Variants in ITGAM observed in about 807,000 individuals in gnomAD.
ITGAM encodes integrin alpha-M.
ITGAM carries 79 observed loss-of-function variants against 137.5 expected under a neutral mutation model. The ratio of observed to expected loss-of-function variants is 0.57; its 90% CI spans 0.48 to 0.69. ITGAM has a LOEUF of 0.69. Ranked by LOEUF, ITGAM falls within the 30% of genes least tolerant of loss-of-function variation. The probability of loss-of-function intolerance (pLI) is 0.00; values close to 1 mark genes in which losing one functional copy is unlikely to be tolerated. For missense variants in ITGAM, 1,343 were observed against 1,483.5 expected (o/e 0.91, Z 1.56); for synonymous variants, 583 against 592.3 (o/e 0.98, Z 0.23).
In ITGAM at chr16:31,297,592, G is replaced by GC. The variant is rs1303173835; in HGVS notation, c.1441dup (p.His481ProfsTer26). On this transcript the variant is annotated frameshift_variant, in exon 13 of 30. Transcript: ENST00000544665. LOFTEE classifies it high-confidence loss of function. Reference sequence around the variant, plus strand: ...CAGCACCGACCTGGTCCTCATCGGGGCCCCCCATTACTACGAGCAGACCCG... The same window carrying GC: ...CAGCACCGACCTGGTCCTCATCGGGGCCCCCCCATTACTACGAGCAGACCCG... 3 of 1,612,602 alleles carry GC rather than the reference G, an allele frequency of 1.9e-6. No homozygotes were observed. Among genetic ancestry groups the GC allele is most frequent in the Non-Finnish European group, 1.7e-6 (2 of 1,179,904 alleles).
Position 31,297,947 on chromosome 16 carries a change from A to G in ITGAM, c.1700A>G (p.His567Arg). 6.2e-7 allele frequency: 1 copy of G among 1,613,508 alleles called. No individual in the cohort carries two copies. The highest frequency in any genetic ancestry group is 8.5e-7 in the Non-Finnish European group (1 of 1,179,620). ...TCAGGATCTGGCATCAGCCCCTCCC[A>G]TAGCCAGGTGAGACCTGGTCACTGT... ...GTSGSGISPS[H>R]SQRIAGSKLS... Residue 567 changes from histidine (H) to arginine (R), a missense_variant, in exon 14 of 30, where the codon CAT becomes CGT. By Grantham distance (29) the His-to-Arg change is conservative. Transcript: ENST00000544665.
At chr16:31,327,608 A>AATAATG (rs1463294701) in intron 22 of ITGAM, among the ~76,000 whole-genome samples, 1 of 150,816 alleles carries the variant, frequency 6.6e-6, no homozygotes, top group East Asian at 1.9e-4. Flanking sequence ...TAATAATAAT[A>AATAATG]ATAATAATAA....
intron 12 of ITGAM, among the ~76,000 whole-genome samples, chr16:31,285,686 T>G (rs1274649492): frequency 6.6e-6 from 1 of 152,154 alleles, no homozygotes; most frequent in Non-Finnish European, 1.5e-5. Context: ...TGTATAGGCT[T>G]GTTACATGCA....
chr16:31,321,328 G>A lies in ITGAM; in HGVS notation c.1795G>A (p.Val599Ile), dbSNP rs554948052. Residue 599 changes from valine to isoleucine, a missense_variant, in exon 15 of 30, where the codon GTA (valine) becomes ATA (isoleucine). Val to Ile is a conservative substitution (Grantham distance 29). Coordinates refer to ENST00000544665, the MANE Select transcript of ITGAM (RefSeq NM_000632.4). ...CCAGGACCTCACAATGGATGGACTG[G>A]TAGACCTGACTGTAGGAGCCCAGGG... ...GGQDLTMDGL[V>I]DLTVGAQGHV... 1.2e-6 allele frequency: 2 copies of A among 1,614,056 alleles called. No individual in the cohort carries two copies. Among genetic ancestry groups the A allele is most frequent in the Non-Finnish European group, 1.7e-6 (2 of 1,179,898 alleles).
At chr16:31,286,092 A>T (rs2080026733) in intron 12 of ITGAM, among the ~76,000 whole-genome samples, 1 of 152,090 alleles carries the variant, frequency 6.6e-6, no homozygotes, top group South Asian at 2.1e-4. Flanking sequence ...AAGTGAGAAC[A>T]TGCAGTATTT....
intron 14 of ITGAM, among the ~76,000 whole-genome samples, chr16:31,299,679 T>G (rs2080175067): frequency 6.6e-6 from 1 of 152,176 alleles, no homozygotes; most frequent in African/African-American, 2.4e-5. Context: ...CTGGCTTATT[T>G]CACTTAGAAT....
intron 14 of ITGAM, among the ~76,000 whole-genome samples, chr16:31,315,293 T>G (rs1030501715): frequency 1.1e-4 from 16 of 152,302 alleles, no homozygotes; most frequent in Middle Eastern, 3.4e-3. Context: ...TTGATGCAAT[T>G]CCATTTGTCT....
intron 2 of ITGAM, among the ~76,000 whole-genome samples, chr16:31,262,170 G>T (rs1259751728): frequency 6.6e-6 from 1 of 152,078 alleles, no homozygotes; most frequent in Non-Finnish European, 1.5e-5. Context: ...GCCTATTTTT[G>T]TGAATGAATT....
At chr16:31,299,774 C>T (rs898314693) in intron 14 of ITGAM, among the ~76,000 whole-genome samples, 3 of 130,588 alleles carry the variant, frequency 2.3e-5, no homozygotes, top group Non-Finnish European at 4.6e-5. Flanking sequence ...CTTCCTCCTC[C>T]TCCTCCTCCG....
chr16:31,331,810 C>G lies in ITGAM; in HGVS notation c.*103C>G. 1 of 876,518 alleles carries G rather than the reference C, an allele frequency of 1.1e-6. No homozygotes were observed. Among genetic ancestry groups the G allele is most frequent in the Non-Finnish European group, 1.8e-6 (1 of 568,548 alleles). The allele number at this position is 876,518 out of a possible 1,614,324, so 54.3% of individuals were successfully genotyped here. On this transcript the variant is annotated 3_prime_UTR_variant, in exon 30 of 30. Coordinates refer to ENST00000544665, the MANE Select transcript of ITGAM (RefSeq NM_000632.4). ...GACACGTCGGACAGCGAAGTATCCC[C>G]GACAGGACGGGCTTGGGCTTCCATT...
At chr16:31,263,508 C>T (rs1168827003) in intron 2 of ITGAM, among the ~76,000 whole-genome samples, 1 of 152,166 alleles carries the variant, frequency 6.6e-6, no homozygotes, top group Non-Finnish European at 1.5e-5. Flanking sequence ...CTCCCTCACT[C>T]ATTTGCCAAC....
At chr16:31,326,562 G>A (rs1349962117) in intron 21 of ITGAM, among the ~76,000 whole-genome samples, 6 of 151,940 alleles carry the variant, frequency 3.9e-5, no homozygotes, top group South Asian at 2.1e-4. Flanking sequence ...GGTTACATGC[G>A]CCCGCCACCA....
At chr16:31,273,960 G>A (rs1237066456) in intron 8 of ITGAM, among the ~76,000 whole-genome samples, 2 of 152,242 alleles carry the variant, frequency 1.3e-5, no homozygotes, top group Non-Finnish European at 2.9e-5. Context: ...GGTGAAGGCA[G>A]GGGAGCAAGA....
At position 31,278,086 on chromosome 16, in the gene ITGAM, A is replaced by G. The variant is rs1389237675; in HGVS notation, c.1333A>G (p.Asn445Asp). Residue 445 changes from asparagine to aspartate, a missense_variant, in exon 12 of 30, where the codon AAC (asparagine) becomes GAC (aspartate). Asn to Asp is a conservative substitution (Grantham distance 23, BLOSUM62 1). Transcript: ENST00000544665. ...FRQNTGMWES[N>D]ANVKGTQIGA... ...GCAGAACACTGGCATGTGGGAGTCC[A>G]ACGCTAATGTCAAGGGCACCCAGGT... 3 of 1,608,742 alleles carry G rather than the reference A, an allele frequency of 1.9e-6. No individual in the cohort carries two copies. The highest frequency in any genetic ancestry group is 1.3e-5 in the African/African-American group (1 of 74,950).
intron 12 of ITGAM, 49 bp from the exon 13 acceptor site, chr16:31,297,465 T>A: frequency 1.2e-6 from 2 of 1,608,310 alleles, no homozygotes; most frequent in Non-Finnish European, 1.7e-6. Flanking sequence ...AACCTCCACA[T>A]CTGCTTTAGG....
chr16:31,261,148 G>A (rs1211787433), intron 1 of ITGAM, among the ~76,000 whole-genome samples: 1 of 151,994 alleles, frequency 6.6e-6, no homozygotes, highest in Non-Finnish European at 1.5e-5. Context: ...GGTTAGTTAG[G>A]GTGACCGAAT....
At chr16:31,307,499 T>C (rs976175994) in intron 14 of ITGAM, among the ~76,000 whole-genome samples, 1 of 152,238 alleles carries the variant, frequency 6.6e-6, no homozygotes, top group Admixed American at 6.5e-5. Flanking sequence ...ATTGATTTTG[T>C]ATCCTGAGAC....
Position 31,324,865 on chromosome 16 carries a change from C to A in ITGAM, c.2289+83C>A. On this transcript the variant is annotated intron_variant, in intron 18 of 29. Coordinates refer to ENST00000544665, the MANE Select transcript of ITGAM (RefSeq NM_000632.4). This position sits in a 1 kb window ranked among gnomAD's most constrained non-coding sequence, Gnocchi z 4.5. ...TGAAACTCATTTTATTTGATTGCAT[C>A]TAATTTTACTTCAACATTTGATTTT... is the stretch of plus-strand genomic sequence containing the variant. 1 of 1,552,708 alleles carries A rather than the reference C, an allele frequency of 6.4e-7. No individual in the cohort carries two copies. Among genetic ancestry groups the A allele is most frequent in the Non-Finnish European group, 8.7e-7 (1 of 1,145,184 alleles).
chr16:31,286,319 A>G (rs1235737657), intron 12 of ITGAM, among the ~76,000 whole-genome samples: 1 of 152,106 alleles, frequency 6.6e-6, no homozygotes, highest in Non-Finnish European at 1.5e-5. Flanking sequence ...ACGAGCATGT[A>G]TCTTTTTGAT....
Sources: gnomAD v4.1 joint callset for allele counts (sites outside exome capture counted in the v4.1 genomes callset) on GRCh38, gnomAD v4.1.1 for gene constraint, Gnocchi (gnomAD v3.1) non-coding constraint, MANE v1.5 for transcripts, NCBI Gene and HGNC (gene_info 2026-07-23, HGNC 2026-07-21) for gene names.